The following DNAH11 variants were observed in gnomAD, a reference collection of about 807,000 sequenced individuals.
DNAH11 encodes the protein dynein axonemal heavy chain 11, also known as axonemal beta dynein heavy chain 11.
In DNAH11, 442 loss-of-function variants were observed where a neutral mutation model predicts 526.0. That is an observed-to-expected ratio of 0.84 (90% CI 0.78 to 0.91). The LOEUF (loss-of-function observed/expected upper bound fraction) is 0.91, where lower values mean the gene tolerates loss of function less well. DNAH11 is among the 40% of genes least tolerant of loss of function. The pLI, the probability that DNAH11 is intolerant of heterozygous loss-of-function variation, is 0.00. For missense variants in DNAH11, 6,989 were observed against 5,448.7 expected (o/e 1.28, Z -8.90); for synonymous variants, 2,461 against 1,935.9 (o/e 1.27, Z -7.12).
chr7:21,797,345 G>A (rs140231513), intron 61 of DNAH11, among the ~76,000 whole-genome samples: 1,509 of 148,572 alleles, frequency 0.01, 35 homozygotes, highest in African/African-American at 0.037. Context: ...TCAGCCTCCC[G>A]AGTAGCTGGC....
At chr7:21,837,004 C>T (rs557901784) in intron 65 of DNAH11, among the ~76,000 whole-genome samples, 2 of 152,156 alleles carry the variant, frequency 1.3e-5, no homozygotes, top group African/African-American at 2.4e-5. Flanking sequence ...TTCCACATCA[C>T]TAATTATCAG....
chr7:21,566,095 G>A (rs1783656192), intron 6 of DNAH11, among the ~76,000 whole-genome samples: 1 of 152,140 alleles, frequency 6.6e-6, no homozygotes. Context: ...CTCATTTTGA[G>A]AATAATTGAA....
chr7:21,715,873 C>T (rs896317804), intron 42 of DNAH11, among the ~76,000 whole-genome samples: 5 of 146,966 alleles, frequency 3.4e-5, no homozygotes, highest in African/African-American at 2.6e-5. Context: ...CCCACCCCCA[C>T]TTTTTTTCTC....
At position 21,549,885 on chromosome 7, in the gene DNAH11, A is replaced by G. The variant is rs115623981; in HGVS notation, c.495+4736A>G. On this transcript the variant is annotated intron_variant, in intron 2 of 81. Transcript: ENST00000409508. Reference sequence around the variant, plus strand: ...GTTTCTGATTTTCCACATTCCCACAAGGTAAAACCTGGCAGGCATTAAATC... The same window carrying G: ...GTTTCTGATTTTCCACATTCCCACAGGGTAAAACCTGGCAGGCATTAAATC... 9.0e-3 allele frequency among the ~76,000 whole-genome samples: 1,365 copies of G among 152,264 alleles called. 21 individuals are homozygous for G. The highest frequency in any genetic ancestry group is 0.03 in the African/African-American group (1,249 of 41,554).
intron 52 of DNAH11, among the ~76,000 whole-genome samples, chr7:21,749,132 G>C (rs1468794722): frequency 1.3e-5 from 2 of 152,080 alleles, no homozygotes; most frequent in Admixed American, 6.5e-5. Context: ...TTCCACATTG[G>C]ATAAGAACAG....
In DNAH11 at chr7:21,704,440, A is replaced by G; in HGVS notation, c.6280A>G (p.Met2094Val). 6.2e-7 allele frequency: 1 copy of G among 1,612,792 alleles called. No homozygotes were observed. The change falls in exon 38 of 82, where the codon ATG becomes GTG. Residue 2094 changes from methionine to valine, a missense_variant. Met to Val is a conservative substitution (Grantham distance 21). Transcript: ENST00000409508. Reference protein sequence around the residue: ...DKNRPEDQVLMRALRDFNMPK... With the variant: ...DKNRPEDQVLVRALRDFNMPK... ...AAAATGTTTTTTTTTCTAGGTACTC[A>G]TGAGAGCATTAAGGGATTTCAATAT...
chr7:21,649,757 C>T (rs1311402521), intron 28 of DNAH11, among the ~76,000 whole-genome samples: 1 of 151,828 alleles, frequency 6.6e-6, no homozygotes, highest in South Asian at 2.1e-4. Context: ...CCTCCACCTC[C>T]TGGGTTCAAG....
chr7:21,616,954 A>G (rs1209532293), intron 22 of DNAH11, among the ~76,000 whole-genome samples: 1 of 152,124 alleles, frequency 6.6e-6, no homozygotes, highest in African/African-American at 2.4e-5. Context: ...CTCAGCTTCT[A>G]CCCACTCTCG....
chr7:21,569,525 A>G (rs1783798004), intron 6 of DNAH11, among the ~76,000 whole-genome samples: 1 of 152,106 alleles, frequency 6.6e-6, no homozygotes, highest in Non-Finnish European at 1.5e-5. Context: ...AAACTAGTTC[A>G]TGTGGCACAC....
At chr7:21,662,364 C>T (rs1782271997) in intron 30 of DNAH11, among the ~76,000 whole-genome samples, 1 of 152,128 alleles carries the variant, frequency 6.6e-6, no homozygotes, top group Non-Finnish European at 1.5e-5. Flanking sequence ...TTCTTTATAA[C>T]ATGTCATTTA....
At chr7:21,685,246 C>A (rs1583592621) in intron 32 of DNAH11, among the ~76,000 whole-genome samples, 1 of 152,226 alleles carries the variant, frequency 6.6e-6, no homozygotes, top group South Asian at 2.1e-4. Context: ...ATAGTCAAAA[C>A]TGCAAATGTG....
chr7:21,745,206 G>A, intron 51 of DNAH11, 143 bp downstream of exon 51: 8 of 890,726 alleles, frequency 9.0e-6, no homozygotes, highest in Non-Finnish European at 1.3e-5. Context: ...AAATATAAAA[G>A]GGTCGCTTTT....
In DNAH11 at chr7:21,744,456, C is replaced by T. The variant is rs1786054104; in HGVS notation, c.8173C>T (p.Pro2725Ser). The T allele has an allele frequency of 6.2e-7, 1 of 1,613,598 alleles. No homozygotes were observed. Among genetic ancestry groups the T allele is most frequent in the African/African-American group, 1.3e-5 (1 of 74,892 alleles). The change falls in exon 50 of 82, where the codon CCT (proline) becomes TCT (serine). Residue 2725 changes from proline to serine, a missense_variant. Physicochemically the swap from Pro to Ser is moderately conservative, Grantham distance 74 (BLOSUM62 -1). Coordinates refer to ENST00000409508, the MANE Select transcript of DNAH11 (RefSeq NM_001277115.2). ...CTTGTAGGGGATTTTATTTGCTTCT[C>T]CTGAGTGTTTAAAAGGTCCACTTGA... The part of the protein sequence containing the change: ...NVFQGILFAS[P>S]ECLKGPLDLI...
At chr7:21,608,650 G>C (rs1347968042) in intron 20 of DNAH11, among the ~76,000 whole-genome samples, 1 of 152,104 alleles carries the variant, frequency 6.6e-6, no homozygotes, top group Non-Finnish European at 1.5e-5. Flanking sequence ...TAATATACTT[G>C]GTTTTATTTT....
Position 21,868,003 on chromosome 7 carries a change from T to A in DNAH11, c.11835T>A (p.Ile3945=). Residue 3945 remains isoleucine (I), a synonymous_variant, in exon 72 of 82, where the codon ATT becomes ATA. Coordinates refer to ENST00000409508, the MANE Select transcript of DNAH11 (RefSeq NM_001277115.2). ...PGVDALKDLE[I]LGKRLGFTID... is the part of the protein sequence containing the mutation. ...TAGATGCCCTTAAAGACCTGGAGAT[T>A]CTTGGTGAGTGGCTGGGAGGCTCGC... is the stretch of plus-strand genomic sequence containing the variant. 1 of 1,531,534 alleles carries A rather than the reference T, an allele frequency of 6.5e-7. No homozygotes were observed. The highest frequency in any genetic ancestry group is 2.4e-5 in the East Asian group (1 of 41,080). The allele number at this position is 1,531,534 out of a possible 1,614,324, so 94.9% of individuals were successfully genotyped here. A position where few individuals can be genotyped will look rare whatever the true frequency, so the allele number is the denominator to read the frequency against.
At chr7:21,823,877 C>A (rs942482500) in intron 65 of DNAH11, among the ~76,000 whole-genome samples, 1 of 152,082 alleles carries the variant, frequency 6.6e-6, no homozygotes, top group Non-Finnish European at 1.5e-5. Context: ...ACAAGGAACA[C>A]CAAAGATGGT....
At chr7:21,758,452 A>T (rs984067614) in intron 54 of DNAH11, among the ~76,000 whole-genome samples, 1 of 152,182 alleles carries the variant, frequency 6.6e-6, no homozygotes, top group Non-Finnish European at 1.5e-5. Context: ...CATTCAGCAA[A>T]TATGTACTGA....
chr7:21,822,425 CA>C (rs928210181), intron 65 of DNAH11, among the ~76,000 whole-genome samples: 4 of 152,160 alleles, frequency 2.6e-5, no homozygotes, highest in African/African-American at 9.6e-5. Flanking sequence ...GATCTGCCCC[CA>C]TGACCCAAAC....
At chr7:21,740,790 G>T (rs1021778196) in intron 48 of DNAH11, among the ~76,000 whole-genome samples, 1 of 152,050 alleles carries the variant, frequency 6.6e-6, no homozygotes, top group Non-Finnish European at 1.5e-5. Context: ...ATTTTTTGAG[G>T]AATCATCATA....
Sources: gnomAD v4.1 joint callset for allele counts (sites outside exome capture counted in the v4.1 genomes callset) on GRCh38, gnomAD v4.1.1 for gene constraint, MANE v1.5 for transcripts, NCBI Gene and HGNC (gene_info 2026-07-23, HGNC 2026-07-21) for gene names.